Variants in NHSL3 observed in about 807,000 individuals in gnomAD.
The protein encoded by NHSL3 is NHS like 3.
chr1:32,742,264 G>C, the NHSL3 span: 7 of 1,216,140 alleles, frequency 5.8e-6, no homozygotes, highest in African/African-American at 9.4e-5. Flanking sequence ...CCGGGGGTCC[G>C]CGCGCGGCGT....
the NHSL3 span, chr1:32,772,584 T>C: frequency 7.3e-7 from 1 of 1,367,930 alleles, no homozygotes; most frequent in Non-Finnish European, 9.6e-7. Flanking sequence ...TCACCCTTGC[T>C]GGGGCCCAGA....
At chr1:32,757,431 G>T in the NHSL3 span, among the ~76,000 whole-genome samples, 2 of 151,900 alleles carry the variant, frequency 1.3e-5, no homozygotes, top group South Asian at 4.2e-4. Flanking sequence ...ATGAGGTGAG[G>T]GCTGGGGACA....
the NHSL3 span, chr1:32,765,586 T>G: frequency 3.4e-6 from 5 of 1,481,912 alleles, no homozygotes; most frequent in South Asian, 6.6e-5. Context: ...GCGGGATCAG[T>G]GGCGAAGGTG....
At chr1:32,772,499 GAA>G in the NHSL3 span, 1 of 1,502,726 alleles carries the variant, frequency 6.7e-7, no homozygotes, top group South Asian at 1.4e-5. Flanking sequence ...GTAGGAATCT[GAA>G]GTCCCGCCAT....
the NHSL3 span, chr1:32,771,497 C>G: frequency 5.7e-6 from 9 of 1,586,534 alleles, no homozygotes; most frequent in Admixed American, 6.9e-5. Flanking sequence ...CCCCCTCCCC[C>G]ACCCCCTGCC....
chr1:32,744,307 C>T, the NHSL3 span, among the ~76,000 whole-genome samples: 3 of 152,096 alleles, frequency 2.0e-5, no homozygotes, highest in Admixed American at 6.6e-5. Flanking sequence ...TTTTGAGCAC[C>T]AGTCTTCCAT....
the NHSL3 span, chr1:32,770,433 C>T: frequency 1.9e-6 from 3 of 1,607,942 alleles, no homozygotes; most frequent in African/African-American, 2.7e-5. The surrounding 1 kb of genome is among the most constrained non-coding windows in gnomAD (Gnocchi z 8.3). Flanking sequence ...CCTGGAGCCA[C>T]TCTCAATCCT....
At chr1:32,771,849 C>T in the NHSL3 span, 10 of 1,603,058 alleles carry the variant, frequency 6.2e-6, no homozygotes, top group South Asian at 1.0e-4. Flanking sequence ...TGCGGCTGCG[C>T]TCCGTGGGTG....
the NHSL3 span, among the ~76,000 whole-genome samples, chr1:32,753,260 A>G: frequency 6.6e-6 from 1 of 151,846 alleles, no homozygotes; most frequent in South Asian, 2.1e-4. Context: ...CAAAGCAGGC[A>G]TATCACCTGA....
the NHSL3 span, chr1:32,742,136 C>A: frequency 8.0e-7 from 1 of 1,244,960 alleles, no homozygotes; most frequent in Non-Finnish European, 1.0e-6. Flanking sequence ...CCGGCCGCCC[C>A]CCGGGCCAAG....
At chr1:32,746,193 T>G in the NHSL3 span, among the ~76,000 whole-genome samples, 1 of 137,292 alleles carries the variant, frequency 7.3e-6, no homozygotes, top group Non-Finnish European at 1.5e-5. Context: ...ATCGCGTCAC[T>G]GCACTCTAGC....
chr1:32,770,511 C>T, the NHSL3 span: 2 of 1,557,994 alleles, frequency 1.3e-6, no homozygotes, highest in Non-Finnish European at 8.7e-7. The surrounding 1 kb of genome is among the most constrained non-coding windows in gnomAD (Gnocchi z 8.3). Flanking sequence ...AGCCGGAGAG[C>T]TCTACGGCTA....
At chr1:32,769,942 C>T in the NHSL3 span, 137 of 1,607,456 alleles carry the variant, frequency 8.5e-5, no homozygotes, top group African/African-American at 2.1e-4. Flanking sequence ...GGATGCCGTA[C>T]GCATCCCCAC....
At chr1:32,756,470 A>ACC in the NHSL3 span, among the ~76,000 whole-genome samples, 12,020 of 50,206 alleles carry the variant, frequency 0.24, 3,152 homozygotes, top group East Asian at 0.33. Context: ...ACATGACGAG[A>ACC]CCCCCCCCCC....
At chr1:32,756,827 G>A in the NHSL3 span, among the ~76,000 whole-genome samples, 7 of 152,208 alleles carry the variant, frequency 4.6e-5, no homozygotes, top group African/African-American at 1.7e-4. Context: ...AAACTAGCCA[G>A]GCGTGGTGGT....
the NHSL3 span, among the ~76,000 whole-genome samples, chr1:32,755,199 G>C: frequency 6.6e-6 from 1 of 152,232 alleles, no homozygotes; most frequent in African/African-American, 2.4e-5. Context: ...TGAATCCAGA[G>C]ATGGGGGAAG....
the NHSL3 span, among the ~76,000 whole-genome samples, chr1:32,758,679 C>G: frequency 6.6e-6 from 1 of 152,108 alleles, no homozygotes; most frequent in African/African-American, 2.4e-5. Flanking sequence ...GCACTGACCC[C>G]CCTTCCTTCT....
chr1:32,742,821 C>G, the NHSL3 span, among the ~76,000 whole-genome samples: 1 of 152,258 alleles, frequency 6.6e-6, no homozygotes, highest in Non-Finnish European at 1.5e-5. Context: ...CCCGCCCCTC[C>G]CTATCACTCC....
chr1:32,755,342 T>A, the NHSL3 span, among the ~76,000 whole-genome samples: 1 of 152,158 alleles, frequency 6.6e-6, no homozygotes, highest in Non-Finnish European at 1.5e-5. Context: ...GGCCCTGCTG[T>A]GGTGGGAGAA....
Sources: gnomAD v4.1 joint callset for allele counts (sites outside exome capture counted in the v4.1 genomes callset) on GRCh38, gnomAD v4.1.1 for gene constraint, Gnocchi (gnomAD v3.1) non-coding constraint, MANE v1.5 for transcripts, NCBI Gene and HGNC (gene_info 2026-07-23, HGNC 2026-07-21) for gene names.